SARNP: variants seen among roughly 807,000 people sequenced by gnomAD.
SARNP encodes SAP domain containing ribonucleoprotein.
Under a neutral mutation model 38.1 loss-of-function variants are expected in SARNP, and 5 were observed. That is an observed-to-expected ratio of 0.13 (90% confidence interval 0.07 to 0.28). The LOEUF is 0.28. Among genes scored for constraint, SARNP ranks in the 10% least tolerant of loss-of-function variants. The probability of loss-of-function intolerance (pLI) is 1.00; values close to 1 mark genes in which losing one functional copy is unlikely to be tolerated. For missense variants in SARNP, 180 were observed against 243.9 expected, an observed-to-expected ratio of 0.74 and a Z score of 1.75; for synonymous variants, 84 against 80.6, an observed-to-expected ratio of 1.04 and a Z score of -0.23.
chr12:55,770,961 GTT>G (rs1878989899), intron 9 of SARNP, among the ~76,000 whole-genome samples: 1 of 143,908 alleles, frequency 6.9e-6, no homozygotes, highest in South Asian at 2.2e-4. Context: ...TTTTAACAGA[GTT>G]TCGCTCTTGT....
At chr12:55,777,228 T>C (rs1879206865) in intron 9 of SARNP, among the ~76,000 whole-genome samples, 1 of 152,186 alleles carries the variant, frequency 6.6e-6, no homozygotes. Context: ...ATCTCAGCCA[T>C]GCACCTTTAG....
At chr12:55,781,883 T>A (rs1013840522) in intron 9 of SARNP, among the ~76,000 whole-genome samples, 1 of 152,144 alleles carries the variant, frequency 6.6e-6, no homozygotes, top group Non-Finnish European at 1.5e-5. Context: ...CATGCCTGGC[T>A]GTTCTTATTT....
At chr12:55,754,661 C>T (rs1592549332), downstream of SARNP, 1 of 152,228 alleles carries the variant, frequency 6.6e-6, no homozygotes, top group South Asian at 2.1e-4. Flanking sequence ...CCACAGTACC[C>T]TGATCACCCA....
At chr12:55,786,222 G>C (rs1228402947) in intron 9 of SARNP, among the ~76,000 whole-genome samples, 1 of 152,232 alleles carries the variant, frequency 6.6e-6, no homozygotes, top group African/African-American at 2.4e-5. Context: ...GCAATGTGTA[G>C]TAGGAGCTAT....
At chr12:55,808,405 ACCTCCCGAGTTCAAGCAATTCTGCCTCAG>A (rs1463148429) in intron 1 of SARNP, among the ~76,000 whole-genome samples, 3 of 151,160 alleles carry the variant, frequency 2.0e-5, no homozygotes, top group Non-Finnish European at 4.4e-5. Context: ...CGCAACCTCC[ACCTCCCGAGTTCAAGCAATTCTGCCTCAG>A]CCTCCCGAGT....
intron 9 of SARNP, among the ~76,000 whole-genome samples, chr12:55,780,073 G>A (rs986459167): frequency 3.9e-5 from 6 of 152,142 alleles, no homozygotes; most frequent in East Asian, 1.9e-4. Context: ...ACTTAAACCC[G>A]GGAGGTGGAG....
intron 7 of SARNP, among the ~76,000 whole-genome samples, chr12:55,791,236 G>A (rs1879659320): frequency 6.6e-6 from 1 of 152,154 alleles, no homozygotes; most frequent in South Asian, 2.1e-4. Flanking sequence ...TTTTTGGGGT[G>A]ATAAGCACGG....
intron 9 of SARNP, among the ~76,000 whole-genome samples, chr12:55,786,553 G>A (rs895651922): frequency 5.9e-5 from 9 of 152,114 alleles, no homozygotes; most frequent in Non-Finnish European, 1.0e-4. Context: ...GAGTTCAAGC[G>A]ATTCTCCTGC....
chr12:55,817,705 G>C lies in SARNP; in HGVS notation c.-4C>G. On this transcript the variant is annotated 5_prime_UTR_variant, in exon 1 of 11. Transcript: ENST00000336133. ...GCTCCACCGTCTCGGTCGCCATCTT[G>C]TTACCCCTCACTCCACTAGGCCCCC... is the stretch of plus-strand genomic sequence containing the variant. 4 of 1,613,064 alleles carry C rather than the reference G, an allele frequency of 2.5e-6. No homozygotes were observed. Among genetic ancestry groups the C allele is most frequent in the East Asian group, 2.2e-5 (1 of 44,792 alleles).
At chr12:55,790,161 G>A (rs1382820252) in intron 8 of SARNP, among the ~76,000 whole-genome samples, 44 of 148,834 alleles carry the variant, frequency 3.0e-4, no homozygotes, top group Admixed American at 4.7e-4. Context: ...CACATTTCAC[G>A]GATAGTATTT....
At chr12:55,793,469 C>G (rs534697412) in intron 7 of SARNP, 1 of 152,224 alleles carries the variant, frequency 6.6e-6, no homozygotes, top group African/African-American at 2.4e-5. Context: ...AAACCCACCC[C>G]TCCAGCTGAT....
chr12:55,763,076 C>T (rs1237135921), intron 9 of SARNP, among the ~76,000 whole-genome samples: 1 of 152,138 alleles, frequency 6.6e-6, no homozygotes, highest in Non-Finnish European at 1.5e-5. Flanking sequence ...ACTGCCTACA[C>T]AGTTTTTCTG....
chr12:55,800,445 T>C, intron 4 of SARNP, 117 bp downstream of exon 4: 1 of 717,742 alleles, frequency 1.4e-6, no homozygotes, highest in Non-Finnish European at 2.3e-6. Context: ...AAAAATGACC[T>C]AATCAGAAAG....
intron 1 of SARNP, among the ~76,000 whole-genome samples, chr12:55,804,898 G>A (rs1047295202): frequency 6.6e-6 from 1 of 152,184 alleles, no homozygotes; most frequent in African/African-American, 2.4e-5. Context: ...TACAACTATG[G>A]AGGATGCTCT....
chr12:55,804,966 T>A (rs1880093596), intron 1 of SARNP, among the ~76,000 whole-genome samples: 1 of 152,194 alleles, frequency 6.6e-6, no homozygotes, highest in Non-Finnish European at 1.5e-5. Flanking sequence ...GAGAGTTTTT[T>A]AAAACATATC....
At chr12:55,774,243 C>T (rs928347616) in intron 9 of SARNP, among the ~76,000 whole-genome samples, 5 of 152,024 alleles carry the variant, frequency 3.3e-5, no homozygotes, top group Admixed American at 3.3e-4. Context: ...CTCAAGTGAT[C>T]CTCCCACTCT....
Position 55,777,548 on chromosome 12 carries a change from G to T in SARNP, c.501+11527C>A, listed in dbSNP as rs1681085. Among the ~76,000 whole-genome samples the T allele has an allele frequency of 3.3e-5, 5 of 151,796 alleles. No homozygotes were observed. In the South Asian group the frequency reaches 8.3e-4, roughly 25 times the overall value. On this transcript the variant is annotated intron_variant, in intron 9 of 10. Coordinates refer to ENST00000336133, the MANE Select transcript of SARNP (RefSeq NM_033082.4). ...TGCCACCATGCGCTGCTAATTTTTT[G>T]TATTTTTAGTAGAGACAGGGTTTCA...
At chr12:55,752,840 C>A (rs1201715789), downstream of SARNP, 3 of 151,658 alleles carry the variant, frequency 2.0e-5, no homozygotes, top group Non-Finnish European at 4.4e-5. Flanking sequence ...AGCACTTGAA[C>A]CTGAAAAAAA....
intron 9 of SARNP, among the ~76,000 whole-genome samples, chr12:55,773,824 G>A (rs1879081380): frequency 6.6e-6 from 1 of 151,878 alleles, no homozygotes; most frequent in Non-Finnish European, 1.5e-5. Context: ...TGATTCTCCT[G>A]CCTCAGCCTC....
Sources: allele counts gnomAD v4.1 joint callset (sites outside exome capture counted in the v4.1 genomes callset), GRCh38; gene constraint gnomAD v4.1.1; transcripts MANE v1.5; gene names NCBI Gene and HGNC (gene_info 2026-07-23, HGNC 2026-07-21).